The following AGO3 variants were observed in gnomAD, a reference collection of about 807,000 sequenced individuals.
The protein encoded by AGO3 is protein argonaute-3.
Under a neutral mutation model 105.5 loss-of-function variants are expected in AGO3, and 16 were observed. That is an observed-to-expected ratio of 0.15 (90% CI 0.10 to 0.23). The LOEUF (loss-of-function observed/expected upper bound fraction) is 0.23, where lower values mean the gene tolerates loss of function less well. Among genes scored for constraint, AGO3 ranks in the 10% least tolerant of loss-of-function variants. The pLI, the probability that AGO3 is intolerant of heterozygous loss-of-function variation, is 1.00. For missense variants in AGO3, 534 were observed against 1,088.0 expected, an observed-to-expected ratio of 0.49 and a Z score of 7.16; for synonymous variants, 340 against 367.3, an observed-to-expected ratio of 0.93 and a Z score of 0.85.
In AGO3 at chr1:36,037,247, C is replaced by T. The variant is rs183303118; in HGVS notation, c.1842+980C>T. Among the ~76,000 whole-genome samples, 19 of 152,230 alleles carry T rather than the reference C, an allele frequency of 1.2e-4. No individual in the cohort carries two copies. In the East Asian group the frequency reaches 3.1e-3, roughly 25 times the overall value. On this transcript the variant is annotated intron_variant, in intron 14 of 18. Coordinates refer to ENST00000373191, the MANE Select transcript of AGO3 (RefSeq NM_024852.4). ...ACTGTAAGATTTAATTGGCCAGGCG[C>T]GGTGGCTCACGCCTAGAATCCCAGC...
At chr1:35,967,133 G>C (rs1571444470) in intron 3 of AGO3, 58 bp downstream of exon 3, 5 of 1,549,614 alleles carry the variant, frequency 3.2e-6, no homozygotes, top group Non-Finnish European at 4.4e-6. Flanking sequence ...CCTTTTACAC[G>C]CATTTATTAC....
intron 5 of AGO3, among the ~76,000 whole-genome samples, chr1:35,975,951 T>C (rs1436701792): frequency 3.3e-5 from 5 of 151,686 alleles, no homozygotes; most frequent in African/African-American, 9.7e-5. Flanking sequence ...CTTTTCTTTT[T>C]TCTTTCTTTT....
chr1:35,969,277 A>G lies in AGO3; in HGVS notation c.312+2202A>G, dbSNP rs184926208. Among the ~76,000 whole-genome samples the G allele has an allele frequency of 2.6e-5, 4 of 152,234 alleles. No individual in the cohort carries two copies. The East Asian group carries it at 7.7e-4, about 29-fold the overall frequency. On this transcript the variant is annotated intron_variant, in intron 3 of 18. Coordinates refer to ENST00000373191, the MANE Select transcript of AGO3 (RefSeq NM_024852.4). ...ACATTAACTTCTTATCAGATATATAATTTGCAAACATTTTCTTACATTTCA... is the reference window on the plus strand; with the variant it reads ...ACATTAACTTCTTATCAGATATATAGTTTGCAAACATTTTCTTACATTTCA...
intron 3 of AGO3, among the ~76,000 whole-genome samples, chr1:35,969,871 G>C (rs893744460): frequency 6.6e-6 from 1 of 152,128 alleles, no homozygotes; most frequent in Non-Finnish European, 1.5e-5. Flanking sequence ...GTATCTAAAC[G>C]TATCTAACTA....
chr1:35,957,543 T>A (rs1646591991), intron 2 of AGO3, among the ~76,000 whole-genome samples: 3 of 151,974 alleles, frequency 2.0e-5, no homozygotes, highest in Non-Finnish European at 4.4e-5. Context: ...CTGGCCAACA[T>A]GGTGAAACCC....
chr1:35,954,139 G>A (rs983961147), intron 2 of AGO3, among the ~76,000 whole-genome samples: 3 of 152,030 alleles, frequency 2.0e-5, no homozygotes, highest in Non-Finnish European at 4.4e-5. Flanking sequence ...AGTGATCTTG[G>A]GGAAACTATT....
In AGO3 at chr1:36,058,113, ATTG is replaced by A. The variant is rs1258283141; in HGVS notation, c.*2369_*2371del. On this transcript the variant is annotated 3_prime_UTR_variant, in exon 19 of 19. Transcript: ENST00000373191. ...AATTATTTGCAAATAGATTGTGTTT[ATTG>A]AAGAATCATATTGGCTAGATGCCCA... The A allele has an allele frequency of 6.6e-6, 1 of 152,218 alleles. No individual in the cohort carries two copies. The highest frequency in any genetic ancestry group is 6.5e-5 in the Admixed American group (1 of 15,276). The allele number at this position is 152,218 out of a possible 1,614,324, so 9.4% of individuals were successfully genotyped here.
At chr1:35,978,343 C>T (rs1445941806) in intron 5 of AGO3, among the ~76,000 whole-genome samples, 1 of 152,104 alleles carries the variant, frequency 6.6e-6, no homozygotes, top group East Asian at 1.9e-4. Context: ...GTGCATGCCA[C>T]GACACCCAGC....
intron 11 of AGO3, among the ~76,000 whole-genome samples, chr1:36,018,437 T>G (rs1025257421): frequency 2.1e-5 from 3 of 146,068 alleles, no homozygotes; most frequent in Admixed American, 6.7e-5. Flanking sequence ...AGGGTTTTTG[T>G]TTTTTTTTGT....
At chr1:35,971,174 T>A (rs1199949742) in intron 3 of AGO3, among the ~76,000 whole-genome samples, 1 of 138,850 alleles carries the variant, frequency 7.2e-6, no homozygotes, top group African/African-American at 2.8e-5. Context: ...TATTTATTTA[T>A]TTTTTTTTTG....
chr1:36,040,093 C>A (rs1642183739), intron 15 of AGO3, 109 bp downstream of exon 15: 2 of 1,291,136 alleles, frequency 1.5e-6, no homozygotes, highest in Non-Finnish European at 1.1e-6. Flanking sequence ...CAAGTCAAAA[C>A]TTGGTGTTTT....
At chr1:36,005,956 A>C in intron 6 of AGO3, 1 of 936,774 alleles carries the variant, frequency 1.1e-6, no homozygotes. Context: ...AGAATTATCT[A>C]GTCCACTTTT....
At chr1:35,936,267 A>G (rs77745409) in intron 1 of AGO3, among the ~76,000 whole-genome samples, 1 of 152,074 alleles carries the variant, frequency 6.6e-6, no homozygotes, top group African/African-American at 2.4e-5. Flanking sequence ...AAAAAAAAAA[A>G]CCAACTATTG....
intron 13 of AGO3, among the ~76,000 whole-genome samples, chr1:36,035,459 A>G (rs1056462944): frequency 2.6e-5 from 4 of 152,218 alleles, no homozygotes; most frequent in Non-Finnish European, 5.9e-5. Context: ...CTTTATGACC[A>G]TTGAATATAT....
intron 11 of AGO3, among the ~76,000 whole-genome samples, chr1:36,019,766 G>A (rs1432220389): frequency 2.0e-5 from 3 of 152,072 alleles, no homozygotes; most frequent in Non-Finnish European, 4.4e-5. Flanking sequence ...TAAGGTGTTT[G>A]TTTGTTTGTT....
chr1:35,944,248 T>A (rs78293579), intron 1 of AGO3, among the ~76,000 whole-genome samples: 9 of 151,610 alleles, frequency 5.9e-5, no homozygotes, highest in Non-Finnish European at 1.3e-4. Context: ...TTTTTTTTTT[T>A]AAGACAGGGT....
At chr1:35,940,309 C>A (rs916689668) in intron 1 of AGO3, among the ~76,000 whole-genome samples, 1 of 152,098 alleles carries the variant, frequency 6.6e-6, no homozygotes, top group Non-Finnish European at 1.5e-5. Context: ...TCAGGTGATC[C>A]GCCCGCGTCA....
intron 1 of AGO3, 138 bp downstream of exon 1, chr1:35,931,583 C>A: frequency 2.0e-6 from 2 of 998,884 alleles, no homozygotes; most frequent in Non-Finnish European, 2.7e-6. Context: ...CCTCGCCCTG[C>A]TCCTCCGCGA....
intron 12 of AGO3, among the ~76,000 whole-genome samples, chr1:36,028,852 T>TA (rs747132738): frequency 2.0e-5 from 3 of 152,096 alleles, no homozygotes; most frequent in Non-Finnish European, 4.4e-5. Flanking sequence ...ACTAGTCTAT[T>TA]TATTTTTTTG....
Sources: allele counts gnomAD v4.1 joint callset (sites outside exome capture counted in the v4.1 genomes callset), GRCh38; gene constraint gnomAD v4.1.1; transcripts MANE v1.5; gene names NCBI Gene and HGNC (gene_info 2026-07-23, HGNC 2026-07-21).